ANTXR2: variants seen among roughly 807,000 people sequenced by gnomAD.
ANTXR2 encodes ANTXR cell adhesion molecule 2, also known as anthrax toxin receptor 2.
In ANTXR2, 44 loss-of-function variants were observed where a neutral mutation model predicts 73.7. The observed-to-expected ratio is 0.60, with a 90% CI of 0.47 to 0.77. The LOEUF is 0.77. Among genes scored for constraint, ANTXR2 ranks in the 30% least tolerant of loss-of-function variants. The pLI is 0.00. For synonymous variants in ANTXR2, 217 were observed against 205.9 expected, an observed-to-expected ratio of 1.05 and a Z score of -0.46; for missense variants, 604 against 592.5, an observed-to-expected ratio of 1.02 and a Z score of -0.20.
chr4:80,072,153 A>G (rs543626859), intron 1 of ANTXR2, among the ~76,000 whole-genome samples: 4 of 152,198 alleles, frequency 2.6e-5, no homozygotes, highest in Non-Finnish European at 5.9e-5. Context: ...AGAGGCCAAA[A>G]GACTGGCAAA....
At chr4:79,950,654 C>T (rs1341824791) in intron 16 of ANTXR2, among the ~76,000 whole-genome samples, 1 of 152,140 alleles carries the variant, frequency 6.6e-6, no homozygotes, top group African/African-American at 2.4e-5. Flanking sequence ...ACAGATGCCA[C>T]TTTTGACCCA....
intron 11 of ANTXR2, among the ~76,000 whole-genome samples, chr4:80,011,266 T>G (rs993587162): frequency 7.0e-6 from 1 of 143,264 alleles, no homozygotes; most frequent in Non-Finnish European, 1.5e-5. Context: ...TGCAACCTGG[T>G]CTTGCTATCT....
At chr4:80,022,381 T>C (rs2110072617) in intron 10 of ANTXR2, among the ~76,000 whole-genome samples, 1 of 152,336 alleles carries the variant, frequency 6.6e-6, no homozygotes, top group African/African-American at 2.4e-5. Context: ...TTTTAAACTT[T>C]GCTGCTTCTT....
chr4:79,973,045 A>G (rs1233928511), intron 16 of ANTXR2, among the ~76,000 whole-genome samples: 2 of 152,180 alleles, frequency 1.3e-5, no homozygotes, highest in Non-Finnish European at 2.9e-5. Context: ...AAGTGAAAGC[A>G]TAGTGGAAAT....
At chr4:79,944,828 A>C (rs1258246948) in intron 16 of ANTXR2, among the ~76,000 whole-genome samples, 1 of 152,126 alleles carries the variant, frequency 6.6e-6, no homozygotes, top group African/African-American at 2.4e-5. Flanking sequence ...TTCTCCCTAG[A>C]GTTTGAGCTT....
intron 7 of ANTXR2, among the ~76,000 whole-genome samples, chr4:80,051,572 T>A (rs1337254421): frequency 6.6e-6 from 1 of 151,692 alleles, no homozygotes; most frequent in East Asian, 1.9e-4. Context: ...TCCCCAAAAC[T>A]GTTACATACC....
At chr4:80,055,077 A>C in intron 6 of ANTXR2, 73 bp downstream of exon 6, 1 of 1,377,384 alleles carries the variant, frequency 7.3e-7, no homozygotes, top group Non-Finnish European at 1.0e-6. Context: ...TCATCAGTGA[A>C]AAGAATTTGT....
chr4:79,945,390 A>G (rs896508905), intron 16 of ANTXR2, among the ~76,000 whole-genome samples: 1 of 152,148 alleles, frequency 6.6e-6, no homozygotes, highest in African/African-American at 2.4e-5. Flanking sequence ...TCATTTTATT[A>G]GAAGAAATTC....
intron 14 of ANTXR2, among the ~76,000 whole-genome samples, chr4:79,982,347 G>A (rs1158217686): frequency 6.6e-6 from 1 of 151,872 alleles, no homozygotes; most frequent in African/African-American, 2.4e-5. Flanking sequence ...TCACATTTTT[G>A]GTATATTCTA....
At chr4:79,936,978 A>T (rs954901870) in intron 16 of ANTXR2, among the ~76,000 whole-genome samples, 1 of 152,158 alleles carries the variant, frequency 6.6e-6, no homozygotes, top group Non-Finnish European at 1.5e-5. Flanking sequence ...TGGATAATTG[A>T]TTATGTATTC....
chr4:80,024,982 T>C (rs1050991351), intron 10 of ANTXR2, among the ~76,000 whole-genome samples: 1 of 152,130 alleles, frequency 6.6e-6, no homozygotes, highest in Admixed American at 6.5e-5. Flanking sequence ...TATAAATTGG[T>C]TCTACACTGT....
chr4:80,055,819 A>G, intron 4 of ANTXR2, 113 bp downstream of exon 4: 1 of 809,236 alleles, frequency 1.2e-6, no homozygotes, highest in Non-Finnish European at 1.9e-6. Context: ...AAAGCACTTT[A>G]AAAACTTTAA....
At chr4:79,994,960 T>C (rs1046205909) in intron 12 of ANTXR2, among the ~76,000 whole-genome samples, 1 of 151,960 alleles carries the variant, frequency 6.6e-6, no homozygotes, top group African/African-American at 2.4e-5. Flanking sequence ...TCCCCCTACA[T>C]GCACCTCCTC....
intron 7 of ANTXR2, among the ~76,000 whole-genome samples, chr4:80,053,429 C>G (rs1451962371): frequency 6.6e-6 from 1 of 151,612 alleles, no homozygotes; most frequent in African/African-American, 2.4e-5. Flanking sequence ...TACAATAAAT[C>G]TCATTTTGTG....
At chr4:79,908,540 A>G (rs139600948) in intron 16 of ANTXR2, among the ~76,000 whole-genome samples, 2 of 152,324 alleles carry the variant, frequency 1.3e-5, no homozygotes, top group East Asian at 3.9e-4. Flanking sequence ...AGAAACAGAA[A>G]AGCATAAAAA....
rs4690108 is a variant in ANTXR2 at position 79,907,093 on chromosome 4, G to A, written c.*336C>T. On this transcript the variant is annotated 3_prime_UTR_variant, in exon 17 of 17. Transcript: ENST00000403729. The stretch of plus-strand genomic sequence containing the variant: ...TGGTCCTTGTTTTGGTATCATCTTC[G>A]TGTTGTTGCTGTTGTTGCTTTTTCC... 0.14 allele frequency: 41,854 copies of A among 308,964 alleles called. 6,093 individuals are homozygous for A. The highest frequency in any genetic ancestry group is 0.72 in the East Asian group (9,060 of 12,668). The allele number at this position is 308,964 out of a possible 1,614,324, so 19.1% of individuals were successfully genotyped here.
At chr4:80,023,042 A>G (rs1732242345) in intron 10 of ANTXR2, among the ~76,000 whole-genome samples, 1 of 152,222 alleles carries the variant, frequency 6.6e-6, no homozygotes, top group Non-Finnish European at 1.5e-5. Flanking sequence ...TATTTAGAAT[A>G]TCAAGGTACT....
intron 13 of ANTXR2, 62 bp downstream of exon 13, chr4:79,984,757 G>A: frequency 1.5e-6 from 2 of 1,373,894 alleles, no homozygotes; most frequent in Non-Finnish European, 2.0e-6. Flanking sequence ...ATTAAATTTG[G>A]GCATGGTATC....
chr4:79,915,862 C>CTCTCTATATATATATA (rs377006532), intron 16 of ANTXR2, among the ~76,000 whole-genome samples: 5 of 123,876 alleles, frequency 4.0e-5, no homozygotes, highest in African/African-American at 1.5e-4. Flanking sequence ...CTCTCTCTCT[C>CTCTCTATATATATATA]TATATATATA....
Sources: gnomAD v4.1 joint callset for allele counts (sites outside exome capture counted in the v4.1 genomes callset) on GRCh38, gnomAD v4.1.1 for gene constraint, MANE v1.5 for transcripts, NCBI Gene and HGNC (gene_info 2026-07-23, HGNC 2026-07-21) for gene names.